Variants in AGXT2 observed in about 807,000 individuals in gnomAD.
AGXT2 encodes the protein alanine--glyoxylate aminotransferase 2, mitochondrial.
Under a neutral mutation model 62.5 loss-of-function variants are expected in AGXT2, and 61 were observed. That is an observed-to-expected ratio of 0.98 (90% CI 0.79 to 1.21). The LOEUF is 1.21. Among genes scored for constraint, AGXT2 ranks in the 50% most tolerant of loss-of-function variants. AGXT2 has a pLI of 0.00. For synonymous variants in AGXT2, 243 were observed against 218.7 expected (o/e 1.11, Z -0.98); for missense variants, 666 against 641.5 (o/e 1.04, Z -0.41).
At chr5:35,012,883 G>A (rs2112197753) in intron 11 of AGXT2, 71 bp downstream of exon 11, 1 of 1,301,788 alleles carries the variant, frequency 7.7e-7, no homozygotes, top group African/African-American at 1.5e-5. Context: ...ATAGAGTTCT[G>A]CTAATGCATG....
At chr5:35,021,582 T>A (rs1480947858) in intron 9 of AGXT2, among the ~76,000 whole-genome samples, 1 of 150,988 alleles carries the variant, frequency 6.6e-6, no homozygotes, top group South Asian at 2.1e-4. Flanking sequence ...TCAAGATGGA[T>A]TAAAGACTTA....
chr5:35,032,862 A>G, intron 6 of AGXT2, 37 bp from the exon 7 acceptor site: 3 of 1,549,616 alleles, frequency 1.9e-6, no homozygotes, highest in Non-Finnish European at 2.6e-6. Flanking sequence ...GCAAAGCATG[A>G]ACACAAGACA....
chr5:35,019,530 A>G (rs2112220865), intron 9 of AGXT2, among the ~76,000 whole-genome samples: 1 of 152,350 alleles, frequency 6.6e-6, no homozygotes, highest in East Asian at 1.9e-4. Context: ...AACCATTGAG[A>G]ACAAAGACAA....
At chr5:35,016,048 G>A (rs2112209167) in intron 9 of AGXT2, among the ~76,000 whole-genome samples, 1 of 152,216 alleles carries the variant, frequency 6.6e-6, no homozygotes, top group South Asian at 2.1e-4. Flanking sequence ...ATCCTGGGTT[G>A]CCTCCTTCCT....
At position 34,998,691 on chromosome 5, in the gene AGXT2, C is replaced by T. The variant is rs1442604362; in HGVS notation, c.*28G>A. The T allele has an allele frequency of 1.3e-6, 2 of 1,578,426 alleles. No individual in the cohort carries two copies. The highest frequency in any genetic ancestry group is 2.2e-5 in the East Asian group (1 of 44,678). On this transcript the variant is annotated 3_prime_UTR_variant, in exon 14 of 14. Coordinates refer to ENST00000231420, the MANE Select transcript of AGXT2 (RefSeq NM_031900.4). Reference sequence around the variant, plus strand: ...GAACATACGTGGCAAATTCTTGAGACTTGTGGTTTTATTTATTTCTGACAA... The same window carrying T: ...GAACATACGTGGCAAATTCTTGAGATTTGTGGTTTTATTTATTTCTGACAA...
rs765542804 is a variant in AGXT2, at chr5:35,033,517, G to A, written c.618C>T (p.Gly206=). 1.2e-6 allele frequency: 2 copies of A among 1,613,706 alleles called. No homozygotes were observed. The highest frequency in any genetic ancestry group is 8.5e-7 in the Non-Finnish European group (1 of 1,179,740). Reference sequence around the variant, plus strand: ...TCTTGTAGGTCCCTACGTTTGTCAAGCCAAGTGTGTAAGGACTGCATCCAT... The same window carrying A: ...TCTTGTAGGTCCCTACGTTTGTCAAACCAAGTGTGTAAGGACTGCATCCAT... ...AYHGCSPYTL[G]LTNVGTYKME... Residue 206 remains glycine (G), a synonymous_variant, in exon 6 of 14, where the codon GGC becomes GGT. Transcript: ENST00000231420.
intron 9 of AGXT2, among the ~76,000 whole-genome samples, chr5:35,025,032 A>G (rs144521967): frequency 1.4e-3 from 218 of 152,242 alleles, no homozygotes; most frequent in Non-Finnish European, 2.6e-3. Context: ...TCAGAAAGGT[A>G]TATGCTGCCA....
At chr5:35,026,871 G>T (rs1490514047) in intron 7 of AGXT2, 1 of 985,224 alleles carries the variant, frequency 1.0e-6, no homozygotes, top group Non-Finnish European at 1.2e-6. Context: ...TAATTCAAAT[G>T]TAATTAGAGC....
intron 12 of AGXT2, among the ~76,000 whole-genome samples, chr5:35,004,208 T>C (rs1188176251): frequency 6.6e-6 from 1 of 152,234 alleles, no homozygotes; most frequent in East Asian, 1.9e-4. Flanking sequence ...GTCTGTTTTA[T>C]GTGGAAATTT....
At chr5:35,032,918 CTTAG>C in intron 6 of AGXT2, 93 bp from the exon 7 acceptor site, 2 of 966,382 alleles carry the variant, frequency 2.1e-6, no homozygotes, top group Non-Finnish European at 3.2e-6. Context: ...AAGAGGGCTT[CTTAG>C]TTTTCCTCCC....
At position 35,010,009 on chromosome 5, in the gene AGXT2, C is replaced by T. The variant is rs781719128; in HGVS notation, c.1329G>A (p.Val443=). Residue 443 remains valine (V), a synonymous_variant, in exon 12 of 14, where the codon GTG becomes GTA. Coordinates refer to ENST00000231420, the MANE Select transcript of AGXT2 (RefSeq NM_031900.4). ...GKGLMIGIEM[V]QDKISCRPLP... ...GCAGATTAGCACCTACCTTATCCTG[C>T]ACCATTTCTATGCCTATCATGAGAC... 2.5e-6 allele frequency: 4 copies of T among 1,614,216 alleles called. No individual in the cohort carries two copies. The highest frequency in any genetic ancestry group is 3.3e-5 in the Admixed American group (2 of 60,028).
intron 7 of AGXT2, 147 bp downstream of exon 7, chr5:35,032,585 A>G: frequency 1.4e-6 from 1 of 738,936 alleles, no homozygotes; most frequent in Non-Finnish European, 2.4e-6. Context: ...ATGAGGAATA[A>G]CTTGGTTACT....
intron 7 of AGXT2, among the ~76,000 whole-genome samples, chr5:35,029,605 G>A (rs763306481): frequency 3.3e-5 from 5 of 152,262 alleles, no homozygotes; most frequent in East Asian, 3.8e-4. Flanking sequence ...ACAGGATGAC[G>A]AAGGAAGAAT....
chr5:35,015,558 T>C (rs534817809), intron 9 of AGXT2, among the ~76,000 whole-genome samples: 284 of 151,962 alleles, frequency 1.9e-3, no homozygotes, highest in Admixed American at 3.2e-3. Context: ...CTTAAAAGAG[T>C]GAGCTTCCAG....
chr5:35,046,566 C>T (rs1768216782), intron 1 of AGXT2, among the ~76,000 whole-genome samples: 1 of 152,260 alleles, frequency 6.6e-6, no homozygotes, highest in African/African-American at 2.4e-5. Context: ...CTCTTGTCTC[C>T]TCATTTGTGG....
At chr5:35,031,894 T>G (rs1463599388) in intron 7 of AGXT2, among the ~76,000 whole-genome samples, 1 of 151,634 alleles carries the variant, frequency 6.6e-6, no homozygotes. Flanking sequence ...TTGTTTTTTT[T>G]TTTTTTTTGG....
chr5:35,017,598 C>G (rs1250237716), intron 9 of AGXT2, among the ~76,000 whole-genome samples: 1 of 152,182 alleles, frequency 6.6e-6, no homozygotes, highest in African/African-American at 2.4e-5. Context: ...TTAGGCCTCC[C>G]CAACCACATG....
intron 9 of AGXT2, among the ~76,000 whole-genome samples, chr5:35,016,940 C>A (rs1766866944): frequency 6.6e-6 from 1 of 152,128 alleles, no homozygotes; most frequent in African/African-American, 2.4e-5. Flanking sequence ...GGGGTGGGGA[C>A]TACGGGTATG....
In AGXT2 at chr5:35,002,777, G is replaced by A. The variant is rs941647985; in HGVS notation, c.1437+986C>T. 1.4e-3 allele frequency among the ~76,000 whole-genome samples: 105 copies of A among 75,288 alleles called. 1 individual carries two copies. The highest frequency in any genetic ancestry group is 8.0e-3 in the Admixed American group (60 of 7,528). The allele number at this position is 75,288 out of a possible 152,430, so 49.4% of individuals were successfully genotyped here. A position where few individuals can be genotyped will look rare whatever the true frequency, so the allele number is the denominator to read the frequency against. On this transcript the variant is annotated intron_variant, in intron 13 of 13. Coordinates refer to ENST00000231420, the MANE Select transcript of AGXT2 (RefSeq NM_031900.4). ...CTATGGCGCTTTGTGATAGCAGGCT[G>A]GGGGGGGGGACTAACACGGGAGGAA...
Sources: gnomAD v4.1 joint callset for allele counts (sites outside exome capture counted in the v4.1 genomes callset) on GRCh38, gnomAD v4.1.1 for gene constraint, MANE v1.5 for transcripts, NCBI Gene and HGNC (gene_info 2026-07-23, HGNC 2026-07-21) for gene names.